The following NINL variants were observed in gnomAD, a reference collection of about 807,000 sequenced individuals.
NINL encodes ninein-like protein.
NINL carries 153 observed loss-of-function variants against 160.3 expected under a neutral mutation model. The ratio of observed to expected loss-of-function variants is 0.95; its 90% confidence interval spans 0.84 to 1.09. The LOEUF is 1.09. Ranked by LOEUF, NINL falls within the 50% of genes least tolerant of loss-of-function variation. NINL has a pLI of 0.00. For missense variants in NINL, 1,829 were observed against 1,764.0 expected (o/e 1.04, Z -0.66); for synonymous variants, 800 against 734.8 (o/e 1.09, Z -1.43).
rs2090563782 is a variant in NINL at position 25,452,736 on chromosome 20, C to T, written c.*715G>A. 2 of 151,752 alleles carry T rather than the reference C, an allele frequency of 1.3e-5. No individual in the cohort carries two copies. Among genetic ancestry groups the T allele is most frequent in the Admixed American group, 1.3e-4 (2 of 15,164 alleles). The allele number at this position is 151,752 out of a possible 1,614,324, so 9.4% of individuals were successfully genotyped here. A position where few individuals can be genotyped will look rare whatever the true frequency, so the allele number is the denominator to read the frequency against. On this transcript the variant is annotated 3_prime_UTR_variant, in exon 24 of 24. Transcript: ENST00000278886. ...AAAGAATTTATTGCAAATACAGTGACTTTTTATATTACAGTAGTACATTCC... is the reference window on the plus strand; with the variant it reads ...AAAGAATTTATTGCAAATACAGTGATTTTTTATATTACAGTAGTACATTCC...
intron 2 of NINL, among the ~76,000 whole-genome samples, chr20:25,521,922 C>T (rs1238895931): frequency 6.6e-6 from 1 of 152,100 alleles, no homozygotes; most frequent in Admixed American, 6.6e-5. Context: ...ACTTAATTTA[C>T]TACACTTTTT....
intron 1 of NINL, among the ~76,000 whole-genome samples, chr20:25,571,539 G>A (rs902377735): frequency 6.6e-6 from 1 of 152,148 alleles, no homozygotes; most frequent in African/African-American, 2.4e-5. Context: ...AAGGAAAACA[G>A]GAAGACTTGG....
chr20:25,541,687 T>G (rs1409020371), intron 1 of NINL, among the ~76,000 whole-genome samples: 1 of 152,202 alleles, frequency 6.6e-6, no homozygotes, highest in Non-Finnish European at 1.5e-5. Flanking sequence ...ATTACAAAAA[T>G]AGGAAACTTT....
chr20:25,487,134 G>C (rs2063519052), intron 13 of NINL, among the ~76,000 whole-genome samples: 1 of 152,110 alleles, frequency 6.6e-6, no homozygotes, highest in Non-Finnish European at 1.5e-5. Flanking sequence ...TATCCACCGG[G>C]TAAAATTAAG....
chr20:25,480,465 A>G (rs945193870), intron 14 of NINL, among the ~76,000 whole-genome samples, 198 bp from the exon 15 acceptor site: 3 of 152,186 alleles, frequency 2.0e-5, no homozygotes, highest in African/African-American at 7.2e-5. Flanking sequence ...CAGAGATGAG[A>G]CTAGGTGGCT....
chr20:25,461,602 C>G lies in NINL; in HGVS notation c.3616G>C (p.Glu1206Gln). 6.2e-7 allele frequency: 1 copy of G among 1,612,046 alleles called. No individual in the cohort carries two copies. Among genetic ancestry groups the G allele is most frequent in the Non-Finnish European group, 8.5e-7 (1 of 1,179,276 alleles). The change falls in exon 21 of 24, where the codon GAA becomes CAA. Residue 1206 changes from glutamate (E) to glutamine (Q), a missense_variant. By Grantham distance (29) the Glu-to-Gln change is conservative. Coordinates refer to ENST00000278886, the MANE Select transcript of NINL (RefSeq NM_025176.6). ...CTCTGATGTTCCTGATTCAGGCATTCAAGTTCAACTCTAAGTTTTTGGATT... is the reference window on the plus strand; with the variant it reads ...CTCTGATGTTCCTGATTCAGGCATTGAAGTTCAACTCTAAGTTTTTGGATT... ...DQIQKLRVEL[E>Q]CLNQEHQSLQ...
At chr20:25,543,222 T>G (rs2064691503) in intron 1 of NINL, among the ~76,000 whole-genome samples, 1 of 151,940 alleles carries the variant, frequency 6.6e-6, no homozygotes, top group African/African-American at 2.4e-5. Context: ...ATAAGTGAAT[T>G]CAGCAAAATT....
chr20:25,529,286 T>A (rs900336816), intron 1 of NINL, among the ~76,000 whole-genome samples: 1 of 151,730 alleles, frequency 6.6e-6, no homozygotes, highest in Non-Finnish European at 1.5e-5. Flanking sequence ...AAAAAAAAAA[T>A]TAAGTAGAAT....
chr20:25,578,789 T>C (rs1481748069), intron 1 of NINL, among the ~76,000 whole-genome samples: 14 of 48,372 alleles, frequency 2.9e-4, no homozygotes, highest in African/African-American at 9.7e-4. Flanking sequence ...CGAGACTCCA[T>C]CTCCAAAAAA....
chr20:25,493,313 A>C (rs2063679132), intron 10 of NINL, among the ~76,000 whole-genome samples: 1 of 152,128 alleles, frequency 6.6e-6, no homozygotes, highest in Non-Finnish European at 1.5e-5. Flanking sequence ...AAGTCGCTGG[A>C]GGTCAGAACC....
chr20:25,580,484 G>A (rs1201953577), intron 1 of NINL, among the ~76,000 whole-genome samples: 3 of 152,096 alleles, frequency 2.0e-5, no homozygotes, highest in Non-Finnish European at 2.9e-5. Context: ...AAATGACTTC[G>A]ACTCCAGGGA....
chr20:25,566,110 A>AT (rs1291879636), intron 1 of NINL, among the ~76,000 whole-genome samples: 3 of 152,088 alleles, frequency 2.0e-5, no homozygotes, highest in Non-Finnish European at 4.4e-5. Flanking sequence ...CTCCTAACAC[A>AT]TCCCCTCTCA....
In NINL at chr20:25,481,977, C is replaced by T. The variant is rs763077917; in HGVS notation, c.1801G>A (p.Gly601Ser). ...AGGGACGGGCTCCTACCTGCTGGGC[C>T]GAGTCCAGGGAGCTGCCGTCTGCGC... ...DGRRRQLPGL[G>S]PAGISFLGNS... The change falls in exon 14 of 24, where the codon GGC becomes AGC. Residue 601 changes from glycine to serine, a missense_variant. Transcript: ENST00000278886. The T allele has an allele frequency of 1.0e-5, 16 of 1,597,056 alleles. No individual in the cohort carries two copies. Among genetic ancestry groups the T allele is most frequent in the East Asian group, 2.2e-5 (1 of 44,832 alleles).
chr20:25,558,081 C>T (rs1251644173), intron 1 of NINL, among the ~76,000 whole-genome samples: 1 of 152,066 alleles, frequency 6.6e-6, no homozygotes, highest in Non-Finnish European at 1.5e-5. Flanking sequence ...GTGGAGGCTG[C>T]AGTGAGCCGA....
At position 25,467,433 on chromosome 20, in the gene NINL, C is replaced by G; in HGVS notation, c.3379G>C (p.Asp1127His). 1 of 1,614,098 alleles carries G rather than the reference C, an allele frequency of 6.2e-7. No individual in the cohort carries two copies. The highest frequency in any genetic ancestry group is 1.6e-4 in the Middle Eastern group (1 of 6,062). The change falls in exon 19 of 24, where the codon GAC (aspartate) becomes CAC (histidine). Residue 1127 changes from aspartate (D) to histidine (H), a missense_variant. Physicochemically the swap from Asp to His is moderately conservative, Grantham distance 81. Coordinates refer to ENST00000278886, the MANE Select transcript of NINL (RefSeq NM_025176.6). ...ATCTCAGAGCAGGCCTTTTCCTTGT[C>G]TTTCTTTAAAACCTCAATTTCCTTC... ...QRKEIEVLKK[D>H]KEKACSEMEV...
At chr20:25,507,478 C>T (rs1356830213) in intron 5 of NINL, among the ~76,000 whole-genome samples, 1 of 152,168 alleles carries the variant, frequency 6.6e-6, no homozygotes, top group Non-Finnish European at 1.5e-5. Flanking sequence ...ATATGTCCAG[C>T]CAGACATGTT....
chr20:25,509,631 C>T, intron 5 of NINL: 1 of 456,548 alleles, frequency 2.2e-6, no homozygotes, highest in Non-Finnish European at 4.4e-6. Context: ...TTCCTTAGAG[C>T]TCAGCGTCTG....
intron 17 of NINL, 64 bp from the exon 18 acceptor site, chr20:25,470,159 G>A: frequency 7.5e-7 from 1 of 1,331,410 alleles, no homozygotes. Flanking sequence ...ACGGAGGCTG[G>A]CTCTGCAGCG....
At chr20:25,455,441 A>T (rs955215400) in intron 23 of NINL, among the ~76,000 whole-genome samples, 11 of 152,212 alleles carry the variant, frequency 7.2e-5, no homozygotes, top group Admixed American at 6.5e-4. Flanking sequence ...TACATGAACA[A>T]ATGAACGGAT....
Sources: gnomAD v4.1 joint callset for allele counts (sites outside exome capture counted in the v4.1 genomes callset) on GRCh38, gnomAD v4.1.1 for gene constraint, MANE v1.5 for transcripts, NCBI Gene and HGNC (gene_info 2026-07-23, HGNC 2026-07-21) for gene names.